Variants in LDLRAD4 observed in about 807,000 individuals in gnomAD.
The protein encoded by LDLRAD4 is low density lipoprotein receptor class A domain containing 4.
A neutral mutation model predicts 17.0 loss-of-function variants in LDLRAD4; 5 were observed. The observed-to-expected ratio is 0.29, with a 90% CI of 0.15 to 0.62. The LOEUF (loss-of-function observed/expected upper bound fraction) is 0.62, where lower values mean the gene tolerates loss of function less well. Ranked by LOEUF, LDLRAD4 falls within the 20% of genes least tolerant of loss-of-function variation. The pLI, the probability that LDLRAD4 is intolerant of heterozygous loss-of-function variation, is 0.84. For synonymous variants in LDLRAD4, 168 were observed against 171.8 expected, an observed-to-expected ratio of 0.98 and a Z score of 0.17; for missense variants, 340 against 424.7, an observed-to-expected ratio of 0.80 and a Z score of 1.75.
At chr18:13,607,986 G>C (rs1221125019) in intron 3 of LDLRAD4, among the ~76,000 whole-genome samples, 1 of 152,084 alleles carries the variant, frequency 6.6e-6, no homozygotes, top group African/African-American at 2.4e-5. Flanking sequence ...GGGCCAAATG[G>C]TATTTTTGGT....
chr18:13,535,482 G>T (rs751491858), intron 3 of LDLRAD4, among the ~76,000 whole-genome samples: 9 of 151,976 alleles, frequency 5.9e-5, no homozygotes, highest in Non-Finnish European at 1.2e-4. Context: ...GTGATATGTT[G>T]TTTTAAATCT....
At chr18:13,259,355 T>C (rs563898325) in intron 1 of LDLRAD4, among the ~76,000 whole-genome samples, 1 of 152,268 alleles carries the variant, frequency 6.6e-6, no homozygotes, top group South Asian at 2.1e-4. Context: ...TTTTATTTTT[T>C]GGTAAAGACA....
chr18:13,404,002 C>T (rs2087474805), intron 2 of LDLRAD4, among the ~76,000 whole-genome samples: 2 of 152,198 alleles, frequency 1.3e-5, no homozygotes, highest in South Asian at 2.1e-4. Flanking sequence ...GACCCTGAAC[C>T]GGGGGAGGCT....
intron 3 of LDLRAD4, among the ~76,000 whole-genome samples, chr18:13,523,943 T>C (rs1396639344): frequency 1.3e-5 from 2 of 152,190 alleles, no homozygotes; most frequent in Non-Finnish European, 2.9e-5. Flanking sequence ...CTCCCTGCCT[T>C]GTTAGGAGCT....
chr18:13,251,532 A>G (rs1413646380), intron 1 of LDLRAD4, among the ~76,000 whole-genome samples: 1 of 152,238 alleles, frequency 6.6e-6, no homozygotes, highest in Non-Finnish European at 1.5e-5. Context: ...AAGTTGCAGG[A>G]TACAAAATCA....
chr18:13,503,628 G>A (rs532696155), intron 3 of LDLRAD4, among the ~76,000 whole-genome samples: 24 of 152,288 alleles, frequency 1.6e-4, no homozygotes, highest in African/African-American at 5.5e-4. Flanking sequence ...AATTATCACA[G>A]GGGCGGGATG....
chr18:13,338,402 A>C (rs528173731), intron 1 of LDLRAD4, among the ~76,000 whole-genome samples: 21 of 129,130 alleles, frequency 1.6e-4, no homozygotes, highest in African/African-American at 6.3e-4. Context: ...TTCCTGAAAC[A>C]GAGAGATCCG....
At chr18:13,593,014 C>CT (rs1401985609) in intron 3 of LDLRAD4, among the ~76,000 whole-genome samples, 3 of 152,100 alleles carry the variant, frequency 2.0e-5, no homozygotes, top group African/African-American at 4.8e-5. Context: ...TTTTTAATTG[C>CT]TTTTTTAAAA....
At chr18:13,378,591 A>G (rs530210511) in intron 1 of LDLRAD4, among the ~76,000 whole-genome samples, 8 of 152,170 alleles carry the variant, frequency 5.3e-5, no homozygotes, top group Non-Finnish European at 1.0e-4. Context: ...TTTAAATGTT[A>G]TATTTCAGTA....
At chr18:13,381,748 A>G (rs2085385072) in intron 1 of LDLRAD4, among the ~76,000 whole-genome samples, 1 of 152,214 alleles carries the variant, frequency 6.6e-6, no homozygotes, top group South Asian at 2.1e-4. Flanking sequence ...ATAGCTTCTC[A>G]AGGGTCTTTT....
chr18:13,564,931 A>G (rs866283247), intron 3 of LDLRAD4: 25 of 152,452 alleles, frequency 1.6e-4, no homozygotes, highest in African/African-American at 5.5e-4. Flanking sequence ...AAAAACAGAC[A>G]TTAAAAGTGA....
chr18:13,508,359 G>T (rs1262825254), intron 3 of LDLRAD4, among the ~76,000 whole-genome samples: 1 of 152,204 alleles, frequency 6.6e-6, no homozygotes, highest in Admixed American at 6.5e-5. Flanking sequence ...ACTGATGAAG[G>T]TGGCTGCACT....
intron 3 of LDLRAD4, among the ~76,000 whole-genome samples, chr18:13,620,366 C>T (rs772814412): frequency 9.2e-4 from 140 of 152,326 alleles, no homozygotes; most frequent in African/African-American, 3.0e-3. Context: ...CATCACTGCA[C>T]GGTCAGTCAC....
At chr18:13,612,683 C>G (rs752042027) in intron 3 of LDLRAD4, 1 of 1,613,860 alleles carries the variant, frequency 6.2e-7, no homozygotes, top group African/African-American at 1.3e-5. Flanking sequence ...CAGTTGGACT[C>G]CCACTTGCAG....
Position 13,449,446 on chromosome 18 carries a change from A to G in LDLRAD4, c.181+11062A>G, listed in dbSNP as rs562618335. ...AGCCTTGTGCTAAGTGACACTTAAA[A>G]TCTTGGGACCATAAAGTGCATCTCC... On this transcript the variant is annotated intron_variant, in intron 3 of 5. Transcript: ENST00000359446. Among the ~76,000 whole-genome samples, 33 of 152,366 alleles carry G rather than the reference A, an allele frequency of 2.2e-4. 1 individual carries two copies. In the South Asian group the frequency reaches 4.8e-3, roughly 22 times the overall value.
intron 3 of LDLRAD4, chr18:13,543,482 AAG>A (rs1261852364): frequency 1.3e-5 from 2 of 152,240 alleles, no homozygotes; most frequent in Non-Finnish European, 2.9e-5. Flanking sequence ...GCTGCAATTT[AAG>A]AGTCTAAAAG....
At chr18:13,414,545 T>C (rs2088692713) in intron 2 of LDLRAD4, among the ~76,000 whole-genome samples, 2 of 152,254 alleles carry the variant, frequency 1.3e-5, no homozygotes, top group Non-Finnish European at 2.9e-5. Context: ...CTGGAGAATA[T>C]GCTAAAGTCC....
At chr18:13,371,897 T>G (rs2084545687) in intron 1 of LDLRAD4, among the ~76,000 whole-genome samples, 1 of 152,192 alleles carries the variant, frequency 6.6e-6, no homozygotes, top group Non-Finnish European at 1.5e-5. Context: ...CATTATAGGA[T>G]TCCTTAAATA....
intron 3 of LDLRAD4, among the ~76,000 whole-genome samples, chr18:13,558,424 C>G (rs1210883408): frequency 6.6e-6 from 1 of 152,254 alleles, no homozygotes; most frequent in Admixed American, 6.5e-5. Context: ...TGGTGAAGAG[C>G]ATTCCTGGAA....
Sources: allele counts gnomAD v4.1 joint callset (sites outside exome capture counted in the v4.1 genomes callset), GRCh38; gene constraint gnomAD v4.1.1; transcripts MANE v1.5; gene names NCBI Gene and HGNC (gene_info 2026-07-23, HGNC 2026-07-21).